Variants in FOXN3 observed in about 807,000 individuals in gnomAD.
FOXN3 encodes the protein forkhead box N3.
FOXN3 carries 7 observed loss-of-function variants against 38.4 expected under a neutral mutation model. That is an observed-to-expected ratio of 0.18 (90% CI 0.10 to 0.34). The LOEUF (loss-of-function observed/expected upper bound fraction) is 0.34. FOXN3 is among the 10% of genes least tolerant of loss of function. The pLI is 1.00. For missense variants in FOXN3, 456 were observed against 613.4 expected (o/e 0.74, Z 2.71); for synonymous variants, 230 against 242.2 (o/e 0.95, Z 0.47).
At chr14:89,588,877 C>A (rs1360681484) in intron 1 of FOXN3, among the ~76,000 whole-genome samples, 2 of 152,184 alleles carry the variant, frequency 1.3e-5, no homozygotes, top group Non-Finnish European at 2.9e-5. Flanking sequence ...AATACCCAGA[C>A]AACTGGGCCA....
intron 4 of FOXN3, among the ~76,000 whole-genome samples, chr14:89,278,115 C>G (rs1407375360): frequency 2.6e-5 from 4 of 152,132 alleles, no homozygotes; most frequent in African/African-American, 9.7e-5. Flanking sequence ...ATACTGGAGA[C>G]TGGGTAATTT....
intron 4 of FOXN3, among the ~76,000 whole-genome samples, chr14:89,193,944 T>C (rs1359846327): frequency 6.6e-6 from 1 of 152,184 alleles, no homozygotes. Flanking sequence ...TAATGACAAA[T>C]AACCTTGAGC....
intron 1 of FOXN3, among the ~76,000 whole-genome samples, chr14:89,527,113 G>A (rs571806105): frequency 3.4e-4 from 51 of 151,780 alleles, no homozygotes; most frequent in African/African-American, 1.2e-3. Context: ...GGAGAAACAG[G>A]ATGAGGGGGT....
intron 1 of FOXN3, among the ~76,000 whole-genome samples, chr14:89,465,158 A>C (rs533868313): frequency 6.6e-6 from 1 of 152,312 alleles, no homozygotes; most frequent in South Asian, 2.1e-4. Context: ...CTCCCCAGCC[A>C]TGCAGAACTG....
At chr14:89,515,790 G>T (rs1039539803) in intron 1 of FOXN3, among the ~76,000 whole-genome samples, 2 of 152,186 alleles carry the variant, frequency 1.3e-5, no homozygotes, top group African/African-American at 4.8e-5. Context: ...AAAATAACGT[G>T]TATGGAAAAG....
intron 5 of FOXN3, among the ~76,000 whole-genome samples, chr14:89,166,759 C>A (rs2139778668): frequency 6.6e-6 from 1 of 152,304 alleles, no homozygotes; most frequent in Non-Finnish European, 1.5e-5. Context: ...ATTATGTAAT[C>A]CATAAGTTAC....
intron 5 of FOXN3, among the ~76,000 whole-genome samples, chr14:89,174,447 T>G (rs113182631): frequency 6.6e-6 from 1 of 152,170 alleles, no homozygotes; most frequent in Non-Finnish European, 1.5e-5. Flanking sequence ...ACCACTGAGA[T>G]AAACATGATT....
chr14:89,495,693 G>C (rs1893665115), intron 1 of FOXN3, among the ~76,000 whole-genome samples: 1 of 152,068 alleles, frequency 6.6e-6, no homozygotes, highest in Non-Finnish European at 1.5e-5. Flanking sequence ...TCAAATCTCT[G>C]CCATTATCAA....
intron 1 of FOXN3, among the ~76,000 whole-genome samples, chr14:89,476,283 A>G (rs1334987591): frequency 6.6e-6 from 1 of 152,134 alleles, no homozygotes; most frequent in African/African-American, 2.4e-5. Context: ...GTGAGCTGAT[A>G]CATCTATCAT....
At chr14:89,555,126 TG>T (rs1436826878) in intron 1 of FOXN3, among the ~76,000 whole-genome samples, 1 of 38,706 alleles carries the variant, frequency 2.6e-5, no homozygotes, top group South Asian at 5.6e-4. Context: ...TAAAATAATG[TG>T]GTTTTTTTTG....
chr14:89,362,782 ACCAC>A (rs1889917945), intron 2 of FOXN3, among the ~76,000 whole-genome samples: 1 of 97,680 alleles, frequency 1.0e-5, no homozygotes, highest in Admixed American at 1.0e-4. Flanking sequence ...CACCACCACC[ACCAC>A]CACCATCTCC....
chr14:89,388,283 A>C (rs1171817547), intron 2 of FOXN3, among the ~76,000 whole-genome samples: 1 of 152,192 alleles, frequency 6.6e-6, no homozygotes, highest in African/African-American at 2.4e-5. Context: ...GCAATCACTG[A>C]GGCCATCTGA....
intron 4 of FOXN3, among the ~76,000 whole-genome samples, chr14:89,261,183 G>A (rs569277792): frequency 6.6e-6 from 1 of 152,202 alleles, no homozygotes; most frequent in African/African-American, 2.4e-5. Context: ...AACCTAAAAG[G>A]AGAGAGACCC....
chr14:89,482,219 GA>G (rs959053725), intron 1 of FOXN3, among the ~76,000 whole-genome samples: 54 of 152,290 alleles, frequency 3.5e-4, no homozygotes, highest in African/African-American at 1.3e-3. Flanking sequence ...AGCAGTGGGG[GA>G]CAGTATCCCA....
chr14:89,260,277 G>T (rs912467650), intron 4 of FOXN3, among the ~76,000 whole-genome samples: 2 of 152,206 alleles, frequency 1.3e-5, no homozygotes, highest in Admixed American at 6.5e-5. Flanking sequence ...GTCATAATCT[G>T]CCACTGAATT....
intron 1 of FOXN3, among the ~76,000 whole-genome samples, chr14:89,463,485 C>T (rs1892899557): frequency 1.3e-5 from 2 of 152,188 alleles, no homozygotes; most frequent in Non-Finnish European, 2.9e-5. Flanking sequence ...AGACTGCATG[C>T]AGGTTAAGCA....
chr14:89,195,719 G>A (rs78873849), intron 4 of FOXN3, among the ~76,000 whole-genome samples: 3,373 of 152,232 alleles, frequency 0.022, 50 homozygotes, highest in Middle Eastern at 0.034. Context: ...TAGGAATGGA[G>A]ACCCACTTGG....
chr14:89,329,757 G>A (rs1462047190), intron 3 of FOXN3, among the ~76,000 whole-genome samples: 81 of 147,934 alleles, frequency 5.5e-4, no homozygotes, highest in Non-Finnish European at 1.0e-4. Context: ...TAGGGAGGAT[G>A]AGGCAGGAGA....
chr14:89,393,402 C>A (rs10130333), intron 2 of FOXN3, among the ~76,000 whole-genome samples: 70,599 of 152,122 alleles, frequency 0.46, 19,087 homozygotes, highest in African/African-American at 0.74. Flanking sequence ...ATACAACTCA[C>A]CCCTGAACAC....
Sources: gnomAD v4.1 joint callset for allele counts (sites outside exome capture counted in the v4.1 genomes callset) on GRCh38, gnomAD v4.1.1 for gene constraint, MANE v1.5 for transcripts, NCBI Gene and HGNC (gene_info 2026-07-23, HGNC 2026-07-21) for gene names.